The following ABAT variants were observed in gnomAD, a reference collection of about 807,000 sequenced individuals.
ABAT encodes the protein 4-aminobutyrate aminotransferase, mitochondrial.
A neutral mutation model predicts 64.6 loss-of-function variants in ABAT; 45 were observed. That is an observed-to-expected ratio of 0.70 (90% confidence interval 0.55 to 0.89). The LOEUF (loss-of-function observed/expected upper bound fraction) is 0.89. Ranked by LOEUF, ABAT falls within the 40% of genes least tolerant of loss-of-function variation. The pLI is 0.00. For synonymous variants in ABAT, 297 were observed against 250.5 expected (o/e 1.19, Z -1.75); for missense variants, 633 against 658.4 (o/e 0.96, Z 0.42).
At chr16:8,689,065 G>C (rs986604292) in intron 1 of ABAT, among the ~76,000 whole-genome samples, 3 of 148,748 alleles carry the variant, frequency 2.0e-5, no homozygotes, top group African/African-American at 7.5e-5. Flanking sequence ...GGGTGATAGA[G>C]TGAGACCCTG....
intron 1 of ABAT, among the ~76,000 whole-genome samples, chr16:8,725,691 C>A (rs1339244193): frequency 6.6e-6 from 1 of 152,150 alleles, no homozygotes; most frequent in East Asian, 1.9e-4. Context: ...TTGTTTGAGT[C>A]TCTGTTTTCA....
chr16:8,675,675 G>T (rs1451323383), intron 1 of ABAT, among the ~76,000 whole-genome samples: 1 of 152,116 alleles, frequency 6.6e-6, no homozygotes, highest in Non-Finnish European at 1.5e-5. Context: ...GGGATCTGGG[G>T]CCTAGAGGCC....
intron 1 of ABAT, among the ~76,000 whole-genome samples, chr16:8,689,955 A>C (rs1383414112): frequency 6.6e-6 from 1 of 152,188 alleles, no homozygotes; most frequent in Non-Finnish European, 1.5e-5. Flanking sequence ...TAGAACAACT[A>C]TCCTAAGAAC....
intron 1 of ABAT, chr16:8,683,119 C>T (rs1335895767): frequency 6.6e-6 from 1 of 152,198 alleles, no homozygotes; most frequent in East Asian, 1.9e-4. Context: ...ACTGGCCTCG[C>T]TTTACCCGTG....
intron 1 of ABAT, among the ~76,000 whole-genome samples, chr16:8,718,631 G>T (rs1173787395): frequency 1.3e-5 from 2 of 152,178 alleles, no homozygotes; most frequent in African/African-American, 4.8e-5. Context: ...GGTCTCTGAG[G>T]TCCCCTGAGC....
Position 8,709,909 on chromosome 16 carries a change from C to T in ABAT, c.-41-25790C>T, listed in dbSNP as rs138705255. The stretch of plus-strand genomic sequence containing the variant: ...CGGTAGCACAATCTCGGTTCTCAAG[C>T]CATCCTCCCTCCGCCGCCTGAGTAG... On this transcript the variant is annotated intron_variant, in intron 1 of 15. Transcript: ENST00000268251. Among the ~76,000 whole-genome samples the T allele has an allele frequency of 1.1e-3, 166 of 151,734 alleles. 2 individuals carry two copies. The East Asian group carries it at 0.03, about 27-fold the overall frequency.
intron 1 of ABAT, among the ~76,000 whole-genome samples, chr16:8,695,986 T>C (rs183405422): frequency 1.3e-3 from 197 of 152,344 alleles, no homozygotes; most frequent in African/African-American, 4.6e-3. Flanking sequence ...CTCTCCTGCA[T>C]CTTAGACAAG....
intron 8 of ABAT, among the ~76,000 whole-genome samples, chr16:8,765,270 A>C (rs2059911338): frequency 6.6e-6 from 1 of 151,734 alleles, no homozygotes; most frequent in Non-Finnish European, 1.5e-5. Context: ...TGGGAGGTCA[A>C]GGCTGCAGTG....
At chr16:8,733,078 A>ACC (rs1289051031) in intron 1 of ABAT, among the ~76,000 whole-genome samples, 12 of 127,588 alleles carry the variant, frequency 9.4e-5, no homozygotes, top group African/African-American at 3.5e-4. Context: ...CGGGGGGCTG[A>ACC]CCCCCCCACC....
intron 14 of ABAT, among the ~76,000 whole-genome samples, chr16:8,777,468 G>A (rs2060300656): frequency 6.6e-6 from 1 of 152,222 alleles, no homozygotes; most frequent in Admixed American, 6.5e-5. Flanking sequence ...GAAGGACAGA[G>A]TGGCCCCCTT....
At chr16:8,751,939 A>G (rs537420360) in intron 5 of ABAT, among the ~76,000 whole-genome samples, 3 of 152,336 alleles carry the variant, frequency 2.0e-5, no homozygotes, top group South Asian at 2.1e-4. Flanking sequence ...TCTTTGGCTG[A>G]TGGATTCCTG....
chr16:8,762,480 T>C (rs1267869165), intron 6 of ABAT, among the ~76,000 whole-genome samples: 2 of 152,194 alleles, frequency 1.3e-5, no homozygotes, highest in Non-Finnish European at 2.9e-5. Context: ...TTGCCCAAGG[T>C]TGCACAGCCA....
intron 1 of ABAT, among the ~76,000 whole-genome samples, chr16:8,690,435 C>T (rs2057553501): frequency 6.6e-6 from 1 of 152,200 alleles, no homozygotes; most frequent in African/African-American, 2.4e-5. Context: ...CACACACCTT[C>T]CAAAGGGCAA....
At chr16:8,775,100 G>C in intron 13 of ABAT, 43 bp downstream of exon 13, 1 of 1,613,414 alleles carries the variant, frequency 6.2e-7, no homozygotes, top group Non-Finnish European at 8.5e-7. Context: ...GGGCAGAGAA[G>C]GGAGCATCCT....
intron 1 of ABAT, among the ~76,000 whole-genome samples, chr16:8,703,870 G>A (rs999161215): frequency 2.6e-5 from 4 of 152,234 alleles, no homozygotes; most frequent in Admixed American, 2.6e-4. Flanking sequence ...TGCCATTGTA[G>A]CGCAAAGCAG....
chr16:8,682,602 C>A (rs1002965999), intron 1 of ABAT, among the ~76,000 whole-genome samples: 1 of 98,190 alleles, frequency 1.0e-5, no homozygotes, highest in East Asian at 4.8e-4. Context: ...CCTGGACCAG[C>A]CCCCGACCCC....
chr16:8,685,543 G>A (rs994875290), intron 1 of ABAT, among the ~76,000 whole-genome samples: 3 of 151,716 alleles, frequency 2.0e-5, no homozygotes, highest in Non-Finnish European at 4.4e-5. Context: ...TGGCGTGGCA[G>A]CCTGCGCCTG....
At chr16:8,733,688 G>T (rs1260147260) in intron 1 of ABAT, among the ~76,000 whole-genome samples, 1 of 151,870 alleles carries the variant, frequency 6.6e-6, no homozygotes, top group Non-Finnish European at 1.5e-5. Context: ...AGGCGTGGCG[G>T]CGTGAGGCTG....
chr16:8,705,961 C>G (rs2057931227), intron 1 of ABAT, among the ~76,000 whole-genome samples: 1 of 152,068 alleles, frequency 6.6e-6, no homozygotes, highest in Non-Finnish European at 1.5e-5. Flanking sequence ...TAGTTCTGTC[C>G]TTTGAGGGAG....
Sources: gnomAD v4.1 joint callset for allele counts (sites outside exome capture counted in the v4.1 genomes callset) on GRCh38, gnomAD v4.1.1 for gene constraint, MANE v1.5 for transcripts, NCBI Gene and HGNC (gene_info 2026-07-23, HGNC 2026-07-21) for gene names.